DPP10: variants seen among roughly 807,000 people sequenced by gnomAD.
DPP10 encodes dipeptidyl peptidase like 10.
In DPP10, 33 loss-of-function variants were observed where a neutral mutation model predicts 120.9. The ratio of observed to expected loss-of-function variants is 0.27; its 90% CI spans 0.21 to 0.37. The LOEUF (loss-of-function observed/expected upper bound fraction) is 0.37, where lower values mean the gene tolerates loss of function less well. Ranked by LOEUF, DPP10 falls within the 10% of genes least tolerant of loss-of-function variation. The pLI, the probability that DPP10 is intolerant of heterozygous loss-of-function variation, is 1.00. For synonymous variants in DPP10, 337 were observed against 326.1 expected, an observed-to-expected ratio of 1.03 and a Z score of -0.36; for missense variants, 816 against 942.8, an observed-to-expected ratio of 0.87 and a Z score of 1.76.
intron 1 of DPP10, among the ~76,000 whole-genome samples, chr2:115,047,515 T>A (rs1384235961): frequency 6.6e-6 from 1 of 152,050 alleles, no homozygotes; most frequent in Admixed American, 6.6e-5. Context: ...ATTTTAACCG[T>A]GTCTTTTTCA....
intron 4 of DPP10, among the ~76,000 whole-genome samples, chr2:115,513,212 G>T (rs2077324350): frequency 6.6e-6 from 1 of 151,142 alleles, no homozygotes; most frequent in South Asian, 2.1e-4. Flanking sequence ...TCCTTGTTTT[G>T]TTTACCAGTT....
chr2:115,645,018 G>A (rs1220793632), intron 5 of DPP10, among the ~76,000 whole-genome samples: 1 of 152,066 alleles, frequency 6.6e-6, no homozygotes, highest in African/African-American at 2.4e-5. Flanking sequence ...AGATTTCAAA[G>A]GTGAACTGTA....
intron 1 of DPP10, among the ~76,000 whole-genome samples, chr2:115,025,760 TG>T (rs1422332617): frequency 6.6e-6 from 1 of 152,132 alleles, no homozygotes; most frequent in Non-Finnish European, 1.5e-5. Flanking sequence ...TCAGTGATGT[TG>T]AGCTTTTTTT....
chr2:114,706,752 C>T (rs1018157035), intron 1 of DPP10, among the ~76,000 whole-genome samples: 1 of 152,108 alleles, frequency 6.6e-6, no homozygotes, highest in African/African-American at 2.4e-5. Flanking sequence ...CTGTTCAACC[C>T]ACTACAGATC....
At chr2:114,642,222 T>A (rs1392952091) in intron 1 of DPP10, among the ~76,000 whole-genome samples, 1 of 151,860 alleles carries the variant, frequency 6.6e-6, no homozygotes, top group Non-Finnish European at 1.5e-5. Context: ...TTAATATAGA[T>A]AATATAGATG....
At chr2:115,534,501 A>G (rs1393317790) in intron 5 of DPP10, among the ~76,000 whole-genome samples, 2 of 151,650 alleles carry the variant, frequency 1.3e-5, no homozygotes, top group African/African-American at 4.9e-5. Flanking sequence ...TTCTTAATCC[A>G]GTCTATCATT....
chr2:115,790,096 G>A lies in DPP10; in HGVS notation c.1532-985G>A, dbSNP rs1471329044. ...ATTTTTTTTTTTTTTTTTTTGAGAC[G>A]GAGTCTCGCTCTGTCGCCCAGGCCG... On this transcript the variant is annotated intron_variant, in intron 17 of 25. Coordinates refer to ENST00000410059, the MANE Select transcript of DPP10 (RefSeq NM_020868.6). 2.0e-4 allele frequency among the ~76,000 whole-genome samples: 30 copies of A among 147,432 alleles called. 1 individual carries two copies. The highest frequency in any genetic ancestry group is 2.0e-3 in the Admixed American group (29 of 14,742).
chr2:115,492,099 A>G (rs1176549037), intron 3 of DPP10, among the ~76,000 whole-genome samples: 2 of 152,150 alleles, frequency 1.3e-5, no homozygotes, highest in African/African-American at 4.8e-5. Flanking sequence ...ACATATATAT[A>G]TATGATCGAT....
intron 3 of DPP10, among the ~76,000 whole-genome samples, chr2:115,408,592 C>T (rs923194795): frequency 1.4e-4 from 21 of 152,224 alleles, no homozygotes; most frequent in African/African-American, 5.1e-4. Flanking sequence ...TCTCAATATA[C>T]ATGAAAGGAC....
intron 1 of DPP10, among the ~76,000 whole-genome samples, chr2:114,950,733 C>T (rs1697725521): frequency 6.6e-6 from 1 of 152,066 alleles, no homozygotes; most frequent in Admixed American, 6.6e-5. Context: ...GTCTCCAGAG[C>T]ATGAATGATT....
intron 19 of DPP10, 119 bp downstream of exon 19, chr2:115,791,475 C>T (rs1235372239): frequency 2.5e-5 from 21 of 849,156 alleles, no homozygotes; most frequent in Non-Finnish European, 3.7e-5. Flanking sequence ...TTAATCAGGA[C>T]AGCTGTCTGT....
At chr2:115,791,049 T>G in intron 17 of DPP10, 32 bp from the exon 18 acceptor site, 1 of 1,503,602 alleles carries the variant, frequency 6.7e-7, no homozygotes, top group Non-Finnish European at 9.2e-7. Context: ...GCATAGGGGT[T>G]AGCTATTTAC....
intron 1 of DPP10, among the ~76,000 whole-genome samples, chr2:114,932,349 A>C (rs772364270): frequency 6.6e-6 from 1 of 152,274 alleles, no homozygotes; most frequent in Non-Finnish European, 1.5e-5. Context: ...TCACTAAAAT[A>C]TATGAATGGA....
Position 115,632,440 on chromosome 2 carries a change from G to T in DPP10, c.442-57247G>T, listed in dbSNP as rs181647329. Among the ~76,000 whole-genome samples, 91 of 151,966 alleles carry T rather than the reference G, an allele frequency of 6.0e-4. 2 individuals are homozygous for T. The East Asian group carries it at 0.016, about 27-fold the overall frequency. On this transcript the variant is annotated intron_variant, in intron 5 of 25. Transcript: ENST00000410059. ...TATTATGTTTGATTTGTGTGTCCTTGGTCTTTGTTCTTCAGTGTGTTTTTG... is the reference window on the plus strand; with the variant it reads ...TATTATGTTTGATTTGTGTGTCCTTTGTCTTTGTTCTTCAGTGTGTTTTTG...
At chr2:114,471,976 G>A (rs1357601950) in intron 1 of DPP10, among the ~76,000 whole-genome samples, 1 of 152,184 alleles carries the variant, frequency 6.6e-6, no homozygotes, top group Non-Finnish European at 1.5e-5. Flanking sequence ...ATAAAATGGG[G>A]CACTTTTTAA....
chr2:115,436,918 T>C (rs1035989152), intron 3 of DPP10, among the ~76,000 whole-genome samples: 2 of 151,908 alleles, frequency 1.3e-5, no homozygotes, highest in African/African-American at 2.4e-5. Context: ...AGCCTACCAA[T>C]AGTAAATTCA....
chr2:115,298,678 T>C (rs2060994542), intron 1 of DPP10, among the ~76,000 whole-genome samples: 1 of 152,034 alleles, frequency 6.6e-6, no homozygotes, highest in African/African-American at 2.4e-5. Flanking sequence ...CTTCAGCACA[T>C]AGTAGAGCCA....
intron 1 of DPP10, among the ~76,000 whole-genome samples, chr2:114,506,729 C>A (rs934339333): frequency 6.6e-6 from 1 of 152,150 alleles, no homozygotes; most frequent in Admixed American, 6.5e-5. Context: ...CACAACTGGG[C>A]CAAGCAAGTG....
rs141626019 is a variant in DPP10, at chr2:115,529,494, T to C, written c.441+3522T>C. 3.6e-4 allele frequency among the ~76,000 whole-genome samples: 54 copies of C among 152,090 alleles called. 1 individual carries two copies. Among genetic ancestry groups the C allele is most frequent in the Admixed American group, 9.2e-4 (14 of 15,236 alleles). On this transcript the variant is annotated intron_variant, in intron 5 of 25. Coordinates refer to ENST00000410059, the MANE Select transcript of DPP10 (RefSeq NM_020868.6). ...TTTTTTTTAATTCAGTTTCAATTTA[T>C]TTTATTAAGTGTATGGATTATGCAA...
Sources: allele counts gnomAD v4.1 joint callset (sites outside exome capture counted in the v4.1 genomes callset), GRCh38; gene constraint gnomAD v4.1.1; transcripts MANE v1.5; gene names NCBI Gene and HGNC (gene_info 2026-07-23, HGNC 2026-07-21).